The following VPS41 variants were observed in gnomAD, a reference collection of about 807,000 sequenced individuals.
VPS41 encodes the protein vacuolar protein sorting-associated protein 41 homolog.
In VPS41, 85 loss-of-function variants were observed where a neutral mutation model predicts 130.9. The observed-to-expected ratio is 0.65, with a 90% CI of 0.55 to 0.78. The LOEUF is 0.78. VPS41 is among the 30% of genes least tolerant of loss of function. The pLI, the probability that VPS41 is intolerant of heterozygous loss-of-function variation, is 0.00. For synonymous variants in VPS41, 335 were observed against 332.9 expected, an observed-to-expected ratio of 1.01 and a Z score of -0.07; for missense variants, 874 against 1,018.7, an observed-to-expected ratio of 0.86 and a Z score of 1.93.
At chr7:38,888,096 C>T (rs970021418) in intron 2 of VPS41, among the ~76,000 whole-genome samples, 2 of 152,116 alleles carry the variant, frequency 1.3e-5, no homozygotes, top group Non-Finnish European at 2.9e-5. Context: ...TAAAGACCAT[C>T]GATGCTATGA....
intron 5 of VPS41, among the ~76,000 whole-genome samples, chr7:38,828,640 T>C (rs1785326709): frequency 6.6e-6 from 1 of 152,204 alleles, no homozygotes; most frequent in Admixed American, 6.5e-5. Flanking sequence ...GGGGGTAGCT[T>C]ACATGTAATT....
At chr7:38,746,221 A>G (rs1272189138) in intron 22 of VPS41, among the ~76,000 whole-genome samples, 3 of 150,956 alleles carry the variant, frequency 2.0e-5, no homozygotes, top group Non-Finnish European at 4.4e-5. Context: ...TCCAAAAAGG[A>G]GCAACTATGC....
At chr7:38,871,641 T>C (rs906908577) in intron 2 of VPS41, among the ~76,000 whole-genome samples, 2 of 152,176 alleles carry the variant, frequency 1.3e-5, no homozygotes, top group African/African-American at 2.4e-5. Flanking sequence ...ATACCTTCTA[T>C]AACACACTCC....
At chr7:38,728,997 C>A (rs796220479) in intron 25 of VPS41, among the ~76,000 whole-genome samples, 2 of 152,124 alleles carry the variant, frequency 1.3e-5, no homozygotes, top group Admixed American at 1.3e-4. Flanking sequence ...TTACTCTGTG[C>A]GTCATTTCAT....
chr7:38,818,001 G>T, intron 6 of VPS41, 119 bp from the exon 7 acceptor site: 1 of 748,046 alleles, frequency 1.3e-6, no homozygotes, highest in Non-Finnish European at 2.3e-6. Context: ...TTGGTAGGAA[G>T]TAATATATTC....
chr7:38,845,913 C>T (rs1300468056), intron 4 of VPS41, among the ~76,000 whole-genome samples: 5 of 152,316 alleles, frequency 3.3e-5, no homozygotes, highest in South Asian at 2.1e-4. Flanking sequence ...AATGGTGACA[C>T]ATAATGTGTG....
intron 2 of VPS41, among the ~76,000 whole-genome samples, chr7:38,891,020 C>G (rs982131405): frequency 1.1e-4 from 10 of 88,058 alleles, no homozygotes; most frequent in African/African-American, 6.3e-4. Context: ...TTTAATATCT[C>G]AAGGAAAAAA....
chr7:38,854,027 T>C (rs1020663488), intron 4 of VPS41, among the ~76,000 whole-genome samples: 2 of 152,242 alleles, frequency 1.3e-5, no homozygotes, highest in African/African-American at 4.8e-5. Context: ...TATTTTTTAA[T>C]GCAGACAACT....
intron 17 of VPS41, among the ~76,000 whole-genome samples, chr7:38,761,878 T>G (rs1401846828): frequency 1.3e-5 from 2 of 152,188 alleles, no homozygotes; most frequent in Non-Finnish European, 2.9e-5. Flanking sequence ...TGAGCCACCG[T>G]GACAGCCCTG....
At chr7:38,816,933 C>T (rs1219562584) in intron 7 of VPS41, among the ~76,000 whole-genome samples, 1 of 151,938 alleles carries the variant, frequency 6.6e-6, no homozygotes, top group African/African-American at 2.4e-5. Context: ...TTTGTAGAGT[C>T]GGTCTCACTC....
At chr7:38,894,429 C>T (rs116573063) in intron 2 of VPS41, among the ~76,000 whole-genome samples, 240 of 139,674 alleles carry the variant, frequency 1.7e-3, no homozygotes, top group African/African-American at 6.2e-3. Flanking sequence ...GAGCTAGAGG[C>T]AGCGGGGGGC....
At chr7:38,884,607 G>A (rs1171466750) in intron 2 of VPS41, among the ~76,000 whole-genome samples, 1 of 151,928 alleles carries the variant, frequency 6.6e-6, no homozygotes, top group Admixed American at 6.6e-5. Flanking sequence ...CTCCCACCTC[G>A]GCTTCCCAAT....
intron 5 of VPS41, among the ~76,000 whole-genome samples, chr7:38,829,121 C>A (rs1166838566): frequency 6.6e-6 from 1 of 152,174 alleles, no homozygotes; most frequent in Admixed American, 6.5e-5. Flanking sequence ...CACAAACCAA[C>A]TCCTCCTTCA....
In VPS41 at chr7:38,770,220, G is replaced by T. The variant is rs1034617869; in HGVS notation, c.1185+978C>A. On this transcript the variant is annotated intron_variant, in intron 14 of 28. Transcript: ENST00000310301. ...GGAGGCAGAGGTTGCGGTGAACCAA[G>T]ATTGTGCCATTGCACTCCAGCCTGG... 2.0e-5 allele frequency among the ~76,000 whole-genome samples: 3 copies of T among 149,766 alleles called. No homozygotes were observed. In the Admixed American group the frequency reaches 2.0e-4, roughly 10 times the overall value.
In VPS41 at chr7:38,728,930, G is replaced by A. The variant is rs556392442; in HGVS notation, c.2260-139C>T. 4 of 740,106 alleles carry A rather than the reference G, an allele frequency of 5.4e-6. No individual in the cohort carries two copies. The East Asian group carries it at 1.1e-4, about 20-fold the overall frequency. The allele number at this position is 740,106 out of a possible 1,614,324, so 45.8% of individuals were successfully genotyped here. A position where few individuals can be genotyped will look rare whatever the true frequency, so the allele number is the denominator to read the frequency against. On this transcript the variant is annotated intron_variant, in intron 25 of 28. Transcript: ENST00000310301. ...GCACTCACTGATTCTCTTGCCCTCA[G>A]TACCCTCTTCCTGCCAAACCACTGC...
intron 7 of VPS41, among the ~76,000 whole-genome samples, chr7:38,804,175 C>CT (rs11478893): frequency 2.6e-5 from 4 of 151,178 alleles, no homozygotes; most frequent in South Asian, 2.1e-4. Context: ...GCAACACAGA[C>CT]TTTTTTTTTT....
chr7:38,771,254 C>T lies in VPS41; in HGVS notation c.1129G>A (p.Glu377Lys), dbSNP rs199550189. The change falls in exon 14 of 29, where the codon GAA (glutamate) becomes AAA (lysine). Residue 377 changes from glutamate (E) to lysine (K), a missense_variant and splice_region_variant. Transcript: ENST00000310301. ...CTAATTTCAGCTGCCATCAATGCTT[C>T]CTTTATTCCAAACATAAGGATGATT... ...DWLLEKKKYE[E>K]ALMAAEISQK... 8.8e-6 allele frequency: 14 copies of T among 1,591,706 alleles called. No homozygotes were observed. The East Asian group carries it at 1.8e-4, about 20-fold the overall frequency.
chr7:38,905,673 G>A (rs1031811397), intron 1 of VPS41, among the ~76,000 whole-genome samples: 34 of 152,158 alleles, frequency 2.2e-4, no homozygotes, highest in African/African-American at 7.7e-4. Context: ...TTAGTTTTGT[G>A]TTGCTAATCC....
intron 22 of VPS41, among the ~76,000 whole-genome samples, chr7:38,748,438 T>C (rs950551073): frequency 6.6e-6 from 1 of 152,066 alleles, no homozygotes; most frequent in Non-Finnish European, 1.5e-5. Context: ...CTTGATCTCG[T>C]CATCTTTTAT....
Sources: gnomAD v4.1 joint callset for allele counts (sites outside exome capture counted in the v4.1 genomes callset) on GRCh38, gnomAD v4.1.1 for gene constraint, MANE v1.5 for transcripts, NCBI Gene and HGNC (gene_info 2026-07-23, HGNC 2026-07-21) for gene names.